RORA: variants seen among roughly 807,000 people sequenced by gnomAD.
RORA encodes RAR related orphan receptor A, also known as nuclear receptor ROR-alpha.
In RORA, 7 loss-of-function variants were observed where a neutral mutation model predicts 69.5. That is an observed-to-expected ratio of 0.10 (90% CI 0.06 to 0.19). The LOEUF (loss-of-function observed/expected upper bound fraction) is 0.19. Ranked by LOEUF, RORA falls within the 10% of genes least tolerant of loss-of-function variation. The probability of loss-of-function intolerance (pLI) is 1.00; values close to 1 mark genes in which losing one functional copy is unlikely to be tolerated. For missense variants in RORA, 457 were observed against 663.0 expected, an observed-to-expected ratio of 0.69 and a Z score of 3.41; for synonymous variants, 261 against 240.8, an observed-to-expected ratio of 1.08 and a Z score of -0.78.
At chr15:60,632,111 AT>A (rs11308166) in intron 2 of RORA, among the ~76,000 whole-genome samples, 85,621 of 146,746 alleles carry the variant, frequency 0.58, 25,277 homozygotes, top group African/African-American at 0.73. Context: ...TTCACTACCT[AT>A]TTTTTTTTTT....
intron 1 of RORA, among the ~76,000 whole-genome samples, chr15:61,031,246 C>T (rs1246710073): frequency 1.3e-5 from 2 of 152,136 alleles, no homozygotes; most frequent in Non-Finnish European, 2.9e-5. Context: ...CAATGGGATA[C>T]TTATGAAAGT....
chr15:60,662,940 A>G (rs549575856), intron 2 of RORA, among the ~76,000 whole-genome samples: 1 of 152,180 alleles, frequency 6.6e-6, no homozygotes, highest in South Asian at 2.1e-4. Flanking sequence ...ATTTGTCCTT[A>G]GCTAAAGTGG....
chr15:61,089,067 C>T (rs780524603), intron 1 of RORA, among the ~76,000 whole-genome samples: 27 of 152,174 alleles, frequency 1.8e-4, no homozygotes, highest in Non-Finnish European at 3.4e-4. Context: ...AAACAGACCC[C>T]CTGAAGTAAC....
At chr15:60,977,171 T>C (rs1019321576) in intron 1 of RORA, among the ~76,000 whole-genome samples, 1 of 151,882 alleles carries the variant, frequency 6.6e-6, no homozygotes, top group Admixed American at 6.6e-5. Context: ...AGATTATTTT[T>C]CCAAGATCAC....
intron 1 of RORA, among the ~76,000 whole-genome samples, chr15:60,807,874 T>C (rs1021000047): frequency 2.0e-5 from 3 of 152,160 alleles, no homozygotes; most frequent in Non-Finnish European, 4.4e-5. Flanking sequence ...GCAAGCCACA[T>C]GTAGGAGAAT....
intron 1 of RORA, among the ~76,000 whole-genome samples, chr15:61,196,159 C>T (rs16943763): frequency 0.15 from 22,797 of 152,202 alleles, 2,394 homozygotes; most frequent in African/African-American, 0.28. Context: ...CCAAAAGTTA[C>T]GTAATTTTGC....
rs552365654 is a variant in RORA at position 60,786,917 on chromosome 15, G to A, written c.167-108231C>T. 2.6e-5 allele frequency among the ~76,000 whole-genome samples: 4 copies of A among 152,334 alleles called. No homozygotes were observed. The East Asian group carries it at 5.8e-4, about 22-fold the overall frequency. The stretch of plus-strand genomic sequence containing the variant: ...TTCCCAGCGGAGGTGTGGAGCAGAC[G>A]AATGATCACAGAGTGAGAACCATGG... On this transcript the variant is annotated intron_variant, in intron 1 of 10. Coordinates refer to ENST00000335670, the MANE Select transcript of RORA (RefSeq NM_134261.3).
chr15:60,698,171 C>T (rs1364630009), intron 1 of RORA, among the ~76,000 whole-genome samples: 1 of 152,162 alleles, frequency 6.6e-6, no homozygotes, highest in African/African-American at 2.4e-5. Context: ...TTCTGTTCCT[C>T]CTTCTTTCCA....
chr15:61,177,940 C>G (rs1395259247), intron 1 of RORA, among the ~76,000 whole-genome samples: 3 of 144,836 alleles, frequency 2.1e-5, no homozygotes, highest in Non-Finnish European at 4.5e-5. Context: ...CCACCCTGGG[C>G]AACAGAGCAA....
At chr15:60,711,150 C>T (rs372675223) in intron 1 of RORA, among the ~76,000 whole-genome samples, 3 of 152,126 alleles carry the variant, frequency 2.0e-5, no homozygotes, top group South Asian at 2.1e-4. Flanking sequence ...CTCATAAGGA[C>T]GGGTCACTCC....
intron 1 of RORA, among the ~76,000 whole-genome samples, chr15:61,076,419 G>A (rs1005760640): frequency 5.5e-5 from 8 of 146,428 alleles, no homozygotes; most frequent in African/African-American, 1.5e-4. Flanking sequence ...AAAAAAAAAC[G>A]TTTCAACAAC....
intron 1 of RORA, among the ~76,000 whole-genome samples, chr15:60,851,850 G>A (rs981208171): frequency 2.6e-5 from 4 of 151,816 alleles, no homozygotes; most frequent in Non-Finnish European, 4.4e-5. Flanking sequence ...AATGACGTAA[G>A]TTCTGAGAAC....
chr15:60,632,062 TA>T (rs2140654794), intron 2 of RORA, among the ~76,000 whole-genome samples: 1 of 152,238 alleles, frequency 6.6e-6, no homozygotes. Context: ...AGTATTTTAT[TA>T]ATAACTATTT....
chr15:60,957,248 G>A (rs976700186), intron 1 of RORA, among the ~76,000 whole-genome samples: 17 of 152,190 alleles, frequency 1.1e-4, no homozygotes, highest in Admixed American at 2.0e-4. Flanking sequence ...GACACTTTGC[G>A]GGCTATAAGA....
chr15:60,847,751 T>C (rs1360161321), intron 1 of RORA: 3 of 152,170 alleles, frequency 2.0e-5, no homozygotes, highest in South Asian at 2.1e-4. Context: ...ATACTTTGGA[T>C]AGATTGGGTA....
intron 1 of RORA, among the ~76,000 whole-genome samples, chr15:60,696,076 T>C (rs1221807992): frequency 3.3e-5 from 5 of 152,146 alleles, no homozygotes; most frequent in African/African-American, 1.2e-4. Context: ...AAGTCATCAT[T>C]TTATATAGTT....
At chr15:60,764,245 G>C (rs906545487) in intron 1 of RORA, among the ~76,000 whole-genome samples, 15 of 151,856 alleles carry the variant, frequency 9.9e-5, no homozygotes, top group African/African-American at 3.6e-4. Flanking sequence ...GCAAATGAGA[G>C]ACTGGCCAAG....
intron 2 of RORA, chr15:60,627,509 A>G: frequency 6.6e-7 from 1 of 1,506,144 alleles, no homozygotes; most frequent in Non-Finnish European, 8.8e-7. Context: ...ATGGGGGATA[A>G]TGCTCAGAGG....
At chr15:61,028,670 G>T (rs1376570527) in intron 1 of RORA, among the ~76,000 whole-genome samples, 1 of 152,218 alleles carries the variant, frequency 6.6e-6, no homozygotes, top group Non-Finnish European at 1.5e-5. Flanking sequence ...GCCTAGTCAT[G>T]CAGGTCAGGA....
Sources: gnomAD v4.1 joint callset for allele counts (sites outside exome capture counted in the v4.1 genomes callset) on GRCh38, gnomAD v4.1.1 for gene constraint, MANE v1.5 for transcripts, NCBI Gene and HGNC (gene_info 2026-07-23, HGNC 2026-07-21) for gene names.